The following WDR49 variants were observed in gnomAD, a reference collection of about 807,000 sequenced individuals.
WDR49 encodes WD repeat domain 49, also known as cilia- and flagella-associated protein 337.
WDR49 carries 107 observed loss-of-function variants against 119.5 expected under a neutral mutation model. The observed-to-expected ratio is 0.90, with a 90% CI of 0.77 to 1.05. The LOEUF (loss-of-function observed/expected upper bound fraction) is 1.05. Among genes scored for constraint, WDR49 ranks in the 50% least tolerant of loss-of-function variants. The probability of loss-of-function intolerance (pLI) is 0.00; values close to 1 mark genes in which losing one functional copy is unlikely to be tolerated. For synonymous variants in WDR49, 425 were observed against 418.8 expected, an observed-to-expected ratio of 1.01 and a Z score of -0.18; for missense variants, 1,240 against 1,220.5, an observed-to-expected ratio of 1.02 and a Z score of -0.24.
At chr3:167,508,684 T>A (rs1204299771) in intron 16 of WDR49, among the ~76,000 whole-genome samples, 4 of 152,146 alleles carry the variant, frequency 2.6e-5, no homozygotes, top group Admixed American at 1.3e-4. Flanking sequence ...AAATAACAAT[T>A]TGCTGTTCTA....
intron 7 of WDR49, among the ~76,000 whole-genome samples, chr3:167,589,602 C>T (rs1715003198): frequency 6.6e-6 from 1 of 151,814 alleles, no homozygotes; most frequent in Non-Finnish European, 1.5e-5. Flanking sequence ...GTAGCTTCTT[C>T]AATGTCTTGC....
At chr3:167,568,084 T>C in intron 8 of WDR49, among the ~76,000 whole-genome samples, 1 of 152,200 alleles carries the variant, frequency 6.6e-6, no homozygotes, top group East Asian at 1.9e-4. Flanking sequence ...TTCTCTTCTT[T>C]ATTAATAAAC....
intron 2 of WDR49, among the ~76,000 whole-genome samples, chr3:167,633,848 T>C (rs1322837356): frequency 6.6e-6 from 1 of 151,958 alleles, no homozygotes; most frequent in Non-Finnish European, 1.5e-5. Context: ...ACCAATAAGA[T>C]TGTCTGTATG....
chr3:167,559,045 A>T (rs1356605571), intron 9 of WDR49, among the ~76,000 whole-genome samples: 1 of 152,132 alleles, frequency 6.6e-6, no homozygotes, highest in African/African-American at 2.4e-5. Flanking sequence ...TCCATACCTT[A>T]TTCCATTAAC....
chr3:167,583,487 G>C (rs1430139990), intron 7 of WDR49, among the ~76,000 whole-genome samples: 1 of 151,958 alleles, frequency 6.6e-6, no homozygotes, highest in Non-Finnish European at 1.5e-5. Flanking sequence ...TTGATGCCAG[G>C]AGCTTGAGAC....
chr3:167,567,084 T>C (rs1439817275), intron 8 of WDR49, among the ~76,000 whole-genome samples: 4 of 152,230 alleles, frequency 2.6e-5, no homozygotes, highest in African/African-American at 7.2e-5. Flanking sequence ...TTCCAAACAG[T>C]ACCAATCCCT....
At chr3:167,499,045 T>C (rs1198570576) in intron 18 of WDR49, among the ~76,000 whole-genome samples, 2 of 152,262 alleles carry the variant, frequency 1.3e-5, no homozygotes, top group East Asian at 3.9e-4. Context: ...GTAGAAACCA[T>C]AGATTGCCCT....
intron 7 of WDR49, among the ~76,000 whole-genome samples, chr3:167,588,976 C>T (rs1714968956): frequency 6.6e-6 from 1 of 152,038 alleles, no homozygotes; most frequent in Non-Finnish European, 1.5e-5. Flanking sequence ...CTTCAGTTGC[C>T]TGTGCTTGTG....
intron 10 of WDR49, among the ~76,000 whole-genome samples, chr3:167,549,357 G>C (rs1404384505): frequency 6.6e-6 from 1 of 152,076 alleles, no homozygotes; most frequent in Non-Finnish European, 1.5e-5. Context: ...AGCACCTGTT[G>C]TTTCCTGACT....
At chr3:167,607,528 G>A (rs191908866) in intron 5 of WDR49, among the ~76,000 whole-genome samples, 1 of 152,272 alleles carries the variant, frequency 6.6e-6, no homozygotes, top group East Asian at 1.9e-4. Flanking sequence ...ATTATTCCAA[G>A]TTTCCTAATG....
chr3:167,519,502 G>A (rs1251790467), intron 16 of WDR49, among the ~76,000 whole-genome samples: 3 of 152,174 alleles, frequency 2.0e-5, no homozygotes, highest in Non-Finnish European at 4.4e-5. Context: ...GATGGAGCTG[G>A]AAGCCATTAT....
At chr3:167,550,778 T>TTTTTTG in intron 10 of WDR49, among the ~76,000 whole-genome samples, 1 of 144,016 alleles carries the variant, frequency 6.9e-6, no homozygotes, top group East Asian at 2.0e-4. Flanking sequence ...TTTTTTTTTT[T>TTTTTTG]GAGAGAGAGA....
At chr3:167,623,001 A>G (rs951763098) in intron 3 of WDR49, among the ~76,000 whole-genome samples, 1 of 152,110 alleles carries the variant, frequency 6.6e-6, no homozygotes, top group African/African-American at 2.4e-5. Context: ...CAGACAGAAA[A>G]TATCAACAGA....
At position 167,598,224 on chromosome 3, in the gene WDR49, G is replaced by T. The variant is rs539562057; in HGVS notation, c.1275+3903C>A. Among the ~76,000 whole-genome samples, 3 of 151,730 alleles carry T rather than the reference G, an allele frequency of 2.0e-5. No individual in the cohort carries two copies. The East Asian group carries it at 5.8e-4, about 29-fold the overall frequency. ...GGAGACTGAGGTAGGAGAATTGCTC[G>T]AACCTAGGAGGCAGAGGTTGCAGTG... is the stretch of plus-strand genomic sequence containing the variant. On this transcript the variant is annotated intron_variant, in intron 7 of 18. Coordinates refer to ENST00000682715, the MANE Select transcript of WDR49 (RefSeq NM_001366157.1).
intron 3 of WDR49, among the ~76,000 whole-genome samples, chr3:167,625,373 C>A: frequency 6.6e-6 from 1 of 151,668 alleles, no homozygotes; most frequent in East Asian, 1.9e-4. Flanking sequence ...AATTTTAAAC[C>A]CATTATTTTT....
At chr3:167,622,123 A>G (rs3924284) in intron 3 of WDR49, among the ~76,000 whole-genome samples, 41,159 of 152,132 alleles carry the variant, frequency 0.27, 5,881 homozygotes, top group African/African-American at 0.35. Context: ...CAACATAAAA[A>G]TAAGTCAATA....
At chr3:167,644,711 T>C (rs1268133248) in intron 2 of WDR49, among the ~76,000 whole-genome samples, 1 of 152,188 alleles carries the variant, frequency 6.6e-6, no homozygotes, top group Non-Finnish European at 1.5e-5. Context: ...GATTAAAAAG[T>C]ATACATGTGG....
intron 16 of WDR49, among the ~76,000 whole-genome samples, chr3:167,521,169 G>GT (rs1752419257): frequency 6.6e-6 from 1 of 152,020 alleles, no homozygotes; most frequent in Non-Finnish European, 1.5e-5. Flanking sequence ...ACCAGGAGTT[G>GT]TGCAAGAGGG....
intron 16 of WDR49, among the ~76,000 whole-genome samples, chr3:167,517,546 A>G (rs1752261290): frequency 6.6e-6 from 1 of 152,188 alleles, no homozygotes; most frequent in East Asian, 1.9e-4. Context: ...ACTTAATTGT[A>G]AAACCCAAAG....
Sources: gnomAD v4.1 joint callset for allele counts (sites outside exome capture counted in the v4.1 genomes callset) on GRCh38, gnomAD v4.1.1 for gene constraint, MANE v1.5 for transcripts, NCBI Gene and HGNC (gene_info 2026-07-23, HGNC 2026-07-21) for gene names.